Variants in ARHGAP10 observed in about 807,000 individuals in gnomAD.
The protein encoded by ARHGAP10 is rho GTPase-activating protein 10.
ARHGAP10 carries 87 observed loss-of-function variants against 108.6 expected under a neutral mutation model. The ratio of observed to expected loss-of-function variants is 0.80; its 90% confidence interval spans 0.67 to 0.96. The LOEUF (loss-of-function observed/expected upper bound fraction) is 0.96. Ranked by LOEUF, ARHGAP10 falls within the 40% of genes least tolerant of loss-of-function variation. The pLI is 0.00. For synonymous variants in ARHGAP10, 347 were observed against 341.1 expected, an observed-to-expected ratio of 1.02 and a Z score of -0.19; for missense variants, 939 against 954.5, an observed-to-expected ratio of 0.98 and a Z score of 0.21.
At chr4:147,984,547 A>T (rs1332807128) in intron 18 of ARHGAP10, among the ~76,000 whole-genome samples, 1 of 152,190 alleles carries the variant, frequency 6.6e-6, no homozygotes, top group East Asian at 1.9e-4. Flanking sequence ...TTGGGTCTCC[A>T]GATCTGGCTG....
At chr4:147,956,749 C>T (rs1447343658) in intron 16 of ARHGAP10, among the ~76,000 whole-genome samples, 143 of 144,262 alleles carry the variant, frequency 9.9e-4, no homozygotes, top group African/African-American at 3.5e-3. Flanking sequence ...TTTTTTTTTT[C>T]CTTTTTTTTT....
rs79881963 is a variant in ARHGAP10, at chr4:148,043,040, G to A, written c.1868-3852G>A. ...CTCTAAGGCTTCCCAAGACCAAGAC[G>A]TGGTCTGCACCCTGACAAAATGTAC... On this transcript the variant is annotated intron_variant, in intron 19 of 22. Coordinates refer to ENST00000336498, the MANE Select transcript of ARHGAP10 (RefSeq NM_024605.4). Among the ~76,000 whole-genome samples, 111 of 152,244 alleles carry A rather than the reference G, an allele frequency of 7.3e-4. 1 individual carries two copies. The East Asian group carries it at 7.5e-3, about 10-fold the overall frequency.
chr4:147,849,324 T>C, intron 4 of ARHGAP10, among the ~76,000 whole-genome samples: 1 of 152,088 alleles, frequency 6.6e-6, no homozygotes, highest in Admixed American at 6.6e-5. Flanking sequence ...AACTGATAAT[T>C]CTAGAAGAAA....
intron 13 of ARHGAP10, among the ~76,000 whole-genome samples, chr4:147,921,653 T>C (rs568304505): frequency 1.3e-5 from 2 of 152,340 alleles, no homozygotes; most frequent in African/African-American, 4.8e-5. Flanking sequence ...TGTTTCATTG[T>C]GTCAGAAGCC....
At chr4:147,922,017 G>GC (rs1737251227) in intron 13 of ARHGAP10, among the ~76,000 whole-genome samples, 1 of 151,994 alleles carries the variant, frequency 6.6e-6, no homozygotes, top group East Asian at 1.9e-4. Context: ...CTTCTCCCCT[G>GC]CCCCTCCTGC....
chr4:148,025,486 C>T (rs1741732186), intron 19 of ARHGAP10, among the ~76,000 whole-genome samples: 1 of 151,118 alleles, frequency 6.6e-6, no homozygotes, highest in African/African-American at 2.4e-5. Flanking sequence ...TCTCCCTTGC[C>T]CTCAGTTTTT....
chr4:147,866,882 T>C, intron 7 of ARHGAP10, 66 bp downstream of exon 7: 1 of 1,343,492 alleles, frequency 7.4e-7, no homozygotes, highest in Non-Finnish European at 1.1e-6. Flanking sequence ...GTGTGTTGTA[T>C]GAAAAGCCTT....
At chr4:148,057,143 CA>C (rs1488954834) in intron 20 of ARHGAP10, among the ~76,000 whole-genome samples, 1 of 152,120 alleles carries the variant, frequency 6.6e-6, no homozygotes, top group Non-Finnish European at 1.5e-5. Flanking sequence ...TAGCTATTGA[CA>C]AAAAGAGGAA....
intron 20 of ARHGAP10, among the ~76,000 whole-genome samples, chr4:148,061,674 A>G (rs1482352309): frequency 6.6e-6 from 1 of 151,698 alleles, no homozygotes; most frequent in African/African-American, 2.4e-5. Flanking sequence ...GCTTCTGTGT[A>G]TTAAATACCT....
chr4:147,818,565 C>CAAA (rs5862813), intron 1 of ARHGAP10, among the ~76,000 whole-genome samples: 1 of 105,304 alleles, frequency 9.5e-6, no homozygotes, highest in African/African-American at 3.5e-5. Flanking sequence ...AAACTGTCAC[C>CAAA]AAAAAAAAAA....
At chr4:147,797,882 A>T (rs942938070) in intron 1 of ARHGAP10, among the ~76,000 whole-genome samples, 13 of 152,116 alleles carry the variant, frequency 8.5e-5, no homozygotes, top group African/African-American at 2.4e-4. Context: ...GTGGCATCCC[A>T]TCTCATCTAG....
intron 4 of ARHGAP10, among the ~76,000 whole-genome samples, chr4:147,849,915 C>G (rs1044907819): frequency 1.3e-5 from 2 of 152,160 alleles, no homozygotes; most frequent in African/African-American, 4.8e-5. Flanking sequence ...TCAAAAAGCC[C>G]TTTTGCTATC....
At chr4:148,054,872 A>T (rs902542109) in intron 20 of ARHGAP10, among the ~76,000 whole-genome samples, 1 of 152,208 alleles carries the variant, frequency 6.6e-6, no homozygotes, top group Non-Finnish European at 1.5e-5. Context: ...TGAGCGGAGT[A>T]TCTGTGTCCC....
intron 1 of ARHGAP10, among the ~76,000 whole-genome samples, chr4:147,794,121 C>T (rs564548273): frequency 6.6e-6 from 1 of 152,156 alleles, no homozygotes; most frequent in African/African-American, 2.4e-5. Flanking sequence ...GGCTCGAACA[C>T]AAATAATTAT....
intron 1 of ARHGAP10, among the ~76,000 whole-genome samples, chr4:147,764,462 A>T (rs1579014797): frequency 6.6e-6 from 1 of 151,806 alleles, no homozygotes; most frequent in South Asian, 2.1e-4. Flanking sequence ...ATCGGCTCCC[A>T]TGCAGTAATA....
At chr4:147,781,681 C>CTTTTTTTTTTTTTTTTTTTT (rs56781517) in intron 1 of ARHGAP10, among the ~76,000 whole-genome samples, 2 of 130,568 alleles carry the variant, frequency 1.5e-5, no homozygotes, top group African/African-American at 2.9e-5. Context: ...CTTTTCTTTT[C>CTTTTTTTTTTTTTTTTTTTT]TTTTTTTTTT....
At chr4:147,918,769 A>G (rs1276184697) in intron 13 of ARHGAP10, among the ~76,000 whole-genome samples, 1 of 152,204 alleles carries the variant, frequency 6.6e-6, no homozygotes, top group Non-Finnish European at 1.5e-5. Context: ...AAAAGAAAGA[A>G]TATGTCATGT....
At chr4:147,847,125 C>G (rs936772949) in intron 3 of ARHGAP10, 26 bp from the exon 4 acceptor site, 14 of 1,590,976 alleles carry the variant, frequency 8.8e-6, no homozygotes, top group African/African-American at 1.3e-5. Context: ...ATGCTGTGCT[C>G]TTTTGTTATC....
intron 8 of ARHGAP10, among the ~76,000 whole-genome samples, chr4:147,877,424 A>C (rs1735119199): frequency 6.6e-6 from 1 of 152,182 alleles, no homozygotes; most frequent in South Asian, 2.1e-4. Flanking sequence ...AAATAATGTA[A>C]TTAGCTTTTC....
Sources: gnomAD v4.1 joint callset for allele counts (sites outside exome capture counted in the v4.1 genomes callset) on GRCh38, gnomAD v4.1.1 for gene constraint, MANE v1.5 for transcripts, NCBI Gene and HGNC (gene_info 2026-07-23, HGNC 2026-07-21) for gene names.